The following CEP63 variants were observed in gnomAD, a reference collection of about 807,000 sequenced individuals.
CEP63 encodes centrosomal protein of 63 kDa.
In CEP63, 84 loss-of-function variants were observed where a neutral mutation model predicts 89.1. That is an observed-to-expected ratio of 0.94 (90% CI 0.79 to 1.13). The LOEUF is 1.13. CEP63 is among the 50% of genes most tolerant of loss of function. The pLI, the probability that CEP63 is intolerant of heterozygous loss-of-function variation, is 0.00. For synonymous variants in CEP63, 267 were observed against 272.5 expected, an observed-to-expected ratio of 0.98 and a Z score of 0.20; for missense variants, 838 against 813.3, an observed-to-expected ratio of 1.03 and a Z score of -0.37.
the CEP63 span, among the ~76,000 whole-genome samples, chr3:134,744,877 T>C: frequency 6.6e-6 from 1 of 152,144 alleles, no homozygotes; most frequent in Non-Finnish European, 1.5e-5. Flanking sequence ...TATCTTCTAT[T>C]ACCTGGGCAG....
downstream of CEP63, among the ~76,000 whole-genome samples, chr3:134,591,326 A>G (rs915308442): frequency 2.6e-5 from 4 of 152,228 alleles, no homozygotes; most frequent in Admixed American, 6.5e-5. Context: ...TCTGAAATTC[A>G]TAATCACAAG....
At chr3:134,521,418 A>AT (rs1947427812) in intron 3 of CEP63, among the ~76,000 whole-genome samples, 1 of 130,772 alleles carries the variant, frequency 7.6e-6, no homozygotes, top group Non-Finnish European at 1.6e-5. Flanking sequence ...CATTTTGTGT[A>AT]TTTTTTCCCA....
downstream of CEP63, among the ~76,000 whole-genome samples, chr3:134,576,820 G>GA (rs1052600261): frequency 6.6e-6 from 1 of 151,896 alleles, no homozygotes; most frequent in African/African-American, 2.4e-5. Flanking sequence ...CGCGTGGGGT[G>GA]ACTTGGAGAG....
intron 3 of CEP63, among the ~76,000 whole-genome samples, chr3:134,527,116 A>G (rs1948811999): frequency 6.6e-6 from 1 of 152,186 alleles, no homozygotes; most frequent in East Asian, 1.9e-4. Context: ...GCAGCAGTGC[A>G]GTGGGGGACA....
chr3:134,503,100 C>CTTTTTTTTTTTTTTTTTTTTTTTTTTTT (rs34673408), intron 2 of CEP63, among the ~76,000 whole-genome samples: 2 of 92,020 alleles, frequency 2.2e-5, no homozygotes, highest in Admixed American at 1.3e-4. Flanking sequence ...TGATTTCAAT[C>CTTTTTTTTTTTTTTTTTTTTTTTTTTTT]TTTTTTTTTT....
chr3:134,739,895 A>T, the CEP63 span, among the ~76,000 whole-genome samples: 1 of 152,216 alleles, frequency 6.6e-6, no homozygotes, highest in Non-Finnish European at 1.5e-5. Flanking sequence ...TTCAAGTGTT[A>T]GACAATGCCC....
the CEP63 span, among the ~76,000 whole-genome samples, chr3:134,633,455 A>G: frequency 6.6e-6 from 1 of 152,166 alleles, no homozygotes; most frequent in African/African-American, 2.4e-5. Context: ...ATATTTGGAA[A>G]TCAATGAATG....
At chr3:134,727,276 G>C in the CEP63 span, among the ~76,000 whole-genome samples, 2 of 152,188 alleles carry the variant, frequency 1.3e-5, no homozygotes, top group Non-Finnish European at 2.9e-5. Flanking sequence ...AATGTGAACT[G>C]TTATTTAATG....
chr3:134,779,632 G>A, the CEP63 span: 1 of 152,182 alleles, frequency 6.6e-6, no homozygotes, highest in Non-Finnish European at 1.5e-5. Context: ...ATGTGACTAA[G>A]TCCTCACTAG....
the CEP63 span, among the ~76,000 whole-genome samples, chr3:134,727,839 G>A: frequency 6.6e-6 from 1 of 152,162 alleles, no homozygotes; most frequent in African/African-American, 2.4e-5. Context: ...TTGAAGTTGG[G>A]TGATGGGAAT....
At chr3:134,701,239 C>T in the CEP63 span, among the ~76,000 whole-genome samples, 1,089 of 126,672 alleles carry the variant, frequency 8.6e-3, 21 homozygotes, top group African/African-American at 0.022. Context: ...CGTATATATA[C>T]ACACATATAT....
chr3:134,594,393 G>A, the CEP63 span, among the ~76,000 whole-genome samples: 4 of 152,294 alleles, frequency 2.6e-5, no homozygotes, highest in East Asian at 1.9e-4. Context: ...CAGCCAGGGC[G>A]AAATGATGGC....
At chr3:134,665,696 C>CAGAG in the CEP63 span, among the ~76,000 whole-genome samples, 52 of 88,392 alleles carry the variant, frequency 5.9e-4, no homozygotes, top group African/African-American at 2.0e-3. Context: ...CACACACACA[C>CAGAG]ACACACAGAG....
chr3:134,677,404 A>G, the CEP63 span, among the ~76,000 whole-genome samples: 1 of 152,104 alleles, frequency 6.6e-6, no homozygotes, highest in South Asian at 2.1e-4. Flanking sequence ...CCTGCCCCAC[A>G]CTGCGCGGGC....
the CEP63 span, among the ~76,000 whole-genome samples, chr3:134,687,952 C>T: frequency 1.1e-3 from 164 of 152,302 alleles, no homozygotes; most frequent in Middle Eastern, 0.01. Flanking sequence ...GGATTCCTCA[C>T]GCATCACTGA....
chr3:134,504,342 G>A (rs1942907827), intron 2 of CEP63, among the ~76,000 whole-genome samples: 1 of 152,080 alleles, frequency 6.6e-6, no homozygotes, highest in Non-Finnish European at 1.5e-5. Context: ...CATTTTTGAA[G>A]GATGGCTCTG....
chr3:134,542,955 T>C (rs898598765), intron 6 of CEP63, among the ~76,000 whole-genome samples: 3 of 135,498 alleles, frequency 2.2e-5, no homozygotes, highest in African/African-American at 8.2e-5. Context: ...AAAAAAAAAG[T>C]TTAAAAATAT....
the CEP63 span, among the ~76,000 whole-genome samples, chr3:134,690,766 T>TTTTTTTTTTTTTTTTTTG: frequency 1.1e-5 from 1 of 90,100 alleles, no homozygotes; most frequent in African/African-American, 3.8e-5. Context: ...TTTTTTTTTT[T>TTTTTTTTTTTTTTTTTTG]GAGATAGAGT....
intron 2 of CEP63, 41 bp downstream of exon 2, chr3:134,495,405 C>A: frequency 8.1e-7 from 1 of 1,238,884 alleles, no homozygotes; most frequent in Non-Finnish European, 1.2e-6. Context: ...TTGGTTAATA[C>A]ATGATTACAT....
Sources: allele counts gnomAD v4.1 joint callset (sites outside exome capture counted in the v4.1 genomes callset), GRCh38; gene constraint gnomAD v4.1.1; transcripts MANE v1.5; gene names NCBI Gene and HGNC (gene_info 2026-07-23, HGNC 2026-07-21).